VPS39: variants seen among roughly 807,000 people sequenced by gnomAD.
The protein encoded by VPS39 is vam6/Vps39-like protein.
Under a neutral mutation model 121.0 loss-of-function variants are expected in VPS39, and 70 were observed. That is an observed-to-expected ratio of 0.58 (90% confidence interval 0.48 to 0.71). The LOEUF (loss-of-function observed/expected upper bound fraction) is 0.71, where lower values mean the gene tolerates loss of function less well. VPS39 is among the 30% of genes least tolerant of loss of function. The pLI is 0.00. For missense variants in VPS39, 818 were observed against 1,051.5 expected, an observed-to-expected ratio of 0.78 and a Z score of 3.07; for synonymous variants, 378 against 398.1, an observed-to-expected ratio of 0.95 and a Z score of 0.60.
intron 9 of VPS39, 36 bp from the exon 10 acceptor site, chr15:42,178,374 C>T (rs531794853): frequency 1.9e-6 from 3 of 1,613,996 alleles, no homozygotes; most frequent in African/African-American, 1.3e-5. Flanking sequence ...CAAAAGATCA[C>T]AGGCTTTGTG....
In VPS39 at chr15:42,166,229, G is replaced by A. The variant is rs769029171; in HGVS notation, c.1610C>T (p.Thr537Ile). The part of the protein sequence containing the change: ...RTVQYLQHLG[T>I]ENLHLIFSYS... ...GGAGAAAATCAAATGCAGGTTTTCT[G>A]TGCCTAGAAGGAAAAGCAGGACTTG... The change falls in exon 16 of 25, where the codon ACA becomes ATA. Residue 537 changes from threonine (T) to isoleucine (I), a missense_variant. Coordinates refer to ENST00000318006, the MANE Select transcript of VPS39 (RefSeq NM_015289.5). 11 of 1,614,188 alleles carry A rather than the reference G, an allele frequency of 6.8e-6. No homozygotes were observed. Among genetic ancestry groups the A allele is most frequent in the South Asian group, 2.2e-5 (2 of 91,088 alleles).
At position 42,160,776 on chromosome 15, in the gene VPS39, T is replaced by TTA; in HGVS notation, c.2605_2606insTA (p.Glu869ValfsTer3). 1 of 1,614,180 alleles carries TTA rather than the reference T, an allele frequency of 6.2e-7. No homozygotes were observed. The highest frequency in any genetic ancestry group is 1.3e-5 in the African/African-American group (1 of 75,028). The stretch of plus-strand genomic sequence containing the variant: ...GGCTCAAGTGTCAGCTGGGTTTACC[T>TTA]CTTTGGAACAGAAGTAATGGACGAC... On this transcript the variant is annotated frameshift_variant, in exon 25 of 25. Transcript: ENST00000318006. LOFTEE classifies it high-confidence loss of function.
At chr15:42,202,293 G>T (rs1322338552) in intron 1 of VPS39, among the ~76,000 whole-genome samples, 1 of 152,232 alleles carries the variant, frequency 6.6e-6, no homozygotes, top group East Asian at 1.9e-4. Context: ...TATTTTCTTT[G>T]ATTTGGGGTC....
In VPS39 at chr15:42,163,693, T is replaced by A. The variant is rs766253235; in HGVS notation, c.2062A>T (p.Met688Leu). ...LEERALLLGR[M>L]GKHEQALFIY... ...AAAAGAGCTTGTTCATGTTTCCCCA[T>A]GCGCCCCAACAGGAGAGCTCGTTCT... The change falls in exon 20 of 25, where the codon ATG becomes TTG. Residue 688 changes from methionine (M) to leucine (L), a missense_variant. Transcript: ENST00000318006. 4.3e-6 allele frequency: 7 copies of A among 1,613,828 alleles called. No individual in the cohort carries two copies. The South Asian group carries it at 7.7e-5, about 18-fold the overall frequency.
chr15:42,162,149 T>C lies in VPS39; in HGVS notation c.2343A>G (p.Pro781=), dbSNP rs2049141485. 1 of 1,614,100 alleles carries C rather than the reference T, an allele frequency of 6.2e-7. No individual in the cohort carries two copies. Among genetic ancestry groups the C allele is most frequent in the Admixed American group, 1.7e-5 (1 of 60,004 alleles). Residue 781 remains proline (P), a synonymous_variant, in exon 23 of 25, where the codon CCA becomes CCG. Transcript: ENST00000318006. The part of the protein sequence containing the change: ...LDTTKALNLL[P]ANTQINDIRI... ...GTATGTCATTGATCTGAGTGTTTGCTGGCAGAAGGTTGAGGGCCTAGGGAC... is the reference window on the plus strand; with the variant it reads ...GTATGTCATTGATCTGAGTGTTTGCCGGCAGAAGGTTGAGGGCCTAGGGAC...
chr15:42,161,706 A>G lies in VPS39; in HGVS notation c.2528T>C (p.Val843Ala). 6.2e-7 allele frequency: 1 copy of G among 1,614,044 alleles called. No individual in the cohort carries two copies. The highest frequency in any genetic ancestry group is 8.5e-7 in the Non-Finnish European group (1 of 1,180,000). ...CIITEEKVCM[V>A]CKKKIGNSAF... Reference sequence around the variant, plus strand: ...CCTGTTCCCAATCTTCTTCTTACACACCATGCACACCTTCTCCTCTGTGAT... The same window carrying G: ...CCTGTTCCCAATCTTCTTCTTACACGCCATGCACACCTTCTCCTCTGTGAT... The change falls in exon 24 of 25, where the codon GTG becomes GCG. Residue 843 changes from valine to alanine, a missense_variant. Val to Ala is a moderately conservative substitution (Grantham distance 64). Coordinates refer to ENST00000318006, the MANE Select transcript of VPS39 (RefSeq NM_015289.5).
At chr15:42,167,662 G>A (rs2049271717) in intron 12 of VPS39, 125 bp from the exon 13 acceptor site, 3 of 1,254,712 alleles carry the variant, frequency 2.4e-6, no homozygotes, top group Admixed American at 2.7e-5. Flanking sequence ...ATTAGCATTC[G>A]ATTTTTAGCA....
intron 23 of VPS39, 90 bp downstream of exon 23, chr15:42,161,942 G>A: frequency 6.3e-7 from 1 of 1,599,646 alleles, no homozygotes; most frequent in Non-Finnish European, 8.5e-7. Flanking sequence ...GCACTGTACA[G>A]GCTCTGCCTT....
chr15:42,161,997 A>C (rs368787537), intron 23 of VPS39, 35 bp downstream of exon 23: 26 of 1,612,986 alleles, frequency 1.6e-5, no homozygotes, highest in African/African-American at 2.7e-5. Flanking sequence ...TAAAAGTTAA[A>C]AGCCCACCCT....
rs374710520 is a variant in VPS39 at position 42,166,741 on chromosome 15, C to T, written c.1519+31G>A. 10 of 1,613,490 alleles carry T rather than the reference C, an allele frequency of 6.2e-6. No homozygotes were observed. In the African/African-American group the frequency reaches 1.3e-4, roughly 22 times the overall value. ...GGTTTCCCCTGCCATGTACAAGAGC[C>T]CCTCCCAGATCCAAGGAACCACTCC... On this transcript the variant is annotated intron_variant, in intron 14 of 24. Coordinates refer to ENST00000318006, the MANE Select transcript of VPS39 (RefSeq NM_015289.5).
intron 11 of VPS39, among the ~76,000 whole-genome samples, chr15:42,172,626 A>C (rs1446771212): frequency 1.3e-5 from 2 of 152,232 alleles, no homozygotes; most frequent in Non-Finnish European, 2.9e-5. Flanking sequence ...TGGCAGTGGC[A>C]ACGGCTAAGA....
intron 12 of VPS39, 71 bp downstream of exon 12, chr15:42,169,653 T>C (rs540668431): frequency 6.7e-7 from 1 of 1,499,020 alleles, no homozygotes. Context: ...AGGCCCTCAA[T>C]TCCTTGCCAC....
In VPS39 at chr15:42,167,466, G is replaced by A; in HGVS notation, c.1305C>T (p.Gly435=). The change falls in exon 13 of 25, where the codon GGC becomes GGT. Residue 435 remains glycine, a synonymous_variant. Coordinates refer to ENST00000318006, the MANE Select transcript of VPS39 (RefSeq NM_015289.5). ...HQSSTSPLME[G]TPTIKSKKKL... ...TCTTCTTGGATTTGATGGTGGGAGT[G>A]CCTTCCATGAGCGGTGAGGTGCTTG... is the stretch of plus-strand genomic sequence containing the variant. 6.2e-7 allele frequency: 1 copy of A among 1,614,122 alleles called. No individual in the cohort carries two copies. The highest frequency in any genetic ancestry group is 8.5e-7 in the Non-Finnish European group (1 of 1,180,014).
At chr15:42,181,330 T>A (rs2049576303) in intron 8 of VPS39, among the ~76,000 whole-genome samples, 1 of 152,194 alleles carries the variant, frequency 6.6e-6, no homozygotes, top group African/African-American at 2.4e-5. Flanking sequence ...TGATTTCCCT[T>A]ATATGAGGTA....
At chr15:42,192,692 A>G (rs1712391) in intron 2 of VPS39, among the ~76,000 whole-genome samples, 22,951 of 151,586 alleles carry the variant, frequency 0.15, 2,367 homozygotes, top group African/African-American at 0.27. Flanking sequence ...ATTTCATGAG[A>G]AAAAAAAACA....
intron 8 of VPS39, among the ~76,000 whole-genome samples, chr15:42,183,848 T>G (rs1353025441): frequency 6.6e-6 from 1 of 152,156 alleles, no homozygotes; most frequent in African/African-American, 2.4e-5. Context: ...AGCATGTCAG[T>G]ACGTCCCACT....
intron 18 of VPS39, 151 bp downstream of exon 18, chr15:42,164,845 T>C: frequency 6.9e-7 from 1 of 1,449,974 alleles, no homozygotes; most frequent in Non-Finnish European, 9.0e-7. Context: ...GTGCCAGGCT[T>C]GTGTCACTTA....
intron 3 of VPS39, 153 bp from the exon 4 acceptor site, chr15:42,191,320 C>T (rs2049823775): frequency 4.1e-5 from 46 of 1,112,758 alleles, no homozygotes; most frequent in Non-Finnish European, 5.3e-5. Flanking sequence ...CTGTGATTAT[C>T]ATTTCTGCTT....
chr15:42,175,629 T>A (rs1054384297), intron 10 of VPS39, among the ~76,000 whole-genome samples: 3 of 151,990 alleles, frequency 2.0e-5, no homozygotes, highest in Non-Finnish European at 4.4e-5. Flanking sequence ...TCCTTTCTTT[T>A]CCTATTACCG....
Sources: allele counts gnomAD v4.1 joint callset (sites outside exome capture counted in the v4.1 genomes callset), GRCh38; gene constraint gnomAD v4.1.1; transcripts MANE v1.5; gene names NCBI Gene and HGNC (gene_info 2026-07-23, HGNC 2026-07-21).